CTNNBL1: variants seen among roughly 807,000 people sequenced by gnomAD.
CTNNBL1 encodes beta-catenin-like protein 1.
Under a neutral mutation model 72.7 loss-of-function variants are expected in CTNNBL1, and 31 were observed. The ratio of observed to expected loss-of-function variants is 0.43; its 90% CI spans 0.32 to 0.58. CTNNBL1 has a LOEUF of 0.58. Among genes scored for constraint, CTNNBL1 ranks in the 20% least tolerant of loss-of-function variants. CTNNBL1 has a pLI of 0.08. For synonymous variants in CTNNBL1, 240 were observed against 267.3 expected, an observed-to-expected ratio of 0.90 and a Z score of 1.00; for missense variants, 534 against 725.1, an observed-to-expected ratio of 0.74 and a Z score of 3.03.
At chr20:37,721,381 T>C (rs1450217452) in intron 1 of CTNNBL1, among the ~76,000 whole-genome samples, 1 of 152,224 alleles carries the variant, frequency 6.6e-6, no homozygotes, top group Non-Finnish European at 1.5e-5. Context: ...AATAACTCTG[T>C]GAGAGATCTT....
At chr20:37,865,085 C>T (rs1233387753) in intron 15 of CTNNBL1, among the ~76,000 whole-genome samples, 1 of 152,160 alleles carries the variant, frequency 6.6e-6, no homozygotes, top group East Asian at 1.9e-4. Flanking sequence ...CTGATTGGCC[C>T]ATATGCTCCT....
intron 7 of CTNNBL1, among the ~76,000 whole-genome samples, chr20:37,771,975 T>G (rs2073528799): frequency 6.6e-6 from 1 of 152,028 alleles, no homozygotes; most frequent in Non-Finnish European, 1.5e-5. Flanking sequence ...ATCAACACCT[T>G]CATCTTTTTC....
intron 11 of CTNNBL1, among the ~76,000 whole-genome samples, chr20:37,813,107 G>T (rs1467024988): frequency 6.6e-6 from 1 of 152,228 alleles, no homozygotes; most frequent in Non-Finnish European, 1.5e-5. Context: ...AAATGTTGGG[G>T]ACGTGTTCTC....
In CTNNBL1 at chr20:37,700,176, C is replaced by T. The variant is rs1162393999; in HGVS notation, c.30+6024C>T. Among the ~76,000 whole-genome samples, 4 of 152,126 alleles carry T rather than the reference C, an allele frequency of 2.6e-5. No individual in the cohort carries two copies. In the East Asian group the frequency reaches 7.7e-4, roughly 29 times the overall value. ...CTTATCTGGGTGACTCAGGACAAGT[C>T]ACTTTCCCTTTCTATACATCATTTT... On this transcript the variant is annotated intron_variant, in intron 1 of 15. Coordinates refer to ENST00000361383, the MANE Select transcript of CTNNBL1 (RefSeq NM_030877.5).
chr20:37,705,497 T>G (rs780454648), intron 1 of CTNNBL1, among the ~76,000 whole-genome samples: 1 of 152,154 alleles, frequency 6.6e-6, no homozygotes, highest in Non-Finnish European at 1.5e-5. Context: ...CAAAATTGCC[T>G]CAGTATTCCC....
chr20:37,772,827 T>C (rs1277801218), intron 7 of CTNNBL1, among the ~76,000 whole-genome samples: 1 of 152,220 alleles, frequency 6.6e-6, no homozygotes, highest in Non-Finnish European at 1.5e-5. Context: ...GGTGACAGCA[T>C]TCTAGTGTTG....
intron 13 of CTNNBL1, among the ~76,000 whole-genome samples, chr20:37,856,032 T>C (rs2072437363): frequency 6.6e-6 from 1 of 151,952 alleles, no homozygotes; most frequent in Admixed American, 6.6e-5. Context: ...AGGTCAGAGG[T>C]TGGAGACCAG....
intron 1 of CTNNBL1, among the ~76,000 whole-genome samples, chr20:37,707,322 T>A (rs1432296864): frequency 3.3e-5 from 5 of 152,232 alleles, no homozygotes; most frequent in Non-Finnish European, 1.5e-5. Context: ...TTGTCAACAT[T>A]GAAAATCTGT....
At chr20:37,713,709 C>T (rs1348421433) in intron 1 of CTNNBL1, among the ~76,000 whole-genome samples, 1 of 152,068 alleles carries the variant, frequency 6.6e-6, no homozygotes, top group Non-Finnish European at 1.5e-5. Flanking sequence ...ACAGGGATGG[C>T]GTGTTCCTGA....
chr20:37,696,435 CTTTTTTTTTT>C (rs57358123), intron 1 of CTNNBL1, among the ~76,000 whole-genome samples: 9 of 89,610 alleles, frequency 1.0e-4, no homozygotes, highest in African/African-American at 3.2e-4. Flanking sequence ...TGTACAATAT[CTTTTTTTTTT>C]TTTTTTTTTT....
At chr20:37,825,683 A>G (rs1029127211) in intron 11 of CTNNBL1, among the ~76,000 whole-genome samples, 6 of 152,222 alleles carry the variant, frequency 3.9e-5, no homozygotes, top group African/African-American at 9.6e-5. Flanking sequence ...CTCAAAAAAA[A>G]AAGTAGTAAG....
At chr20:37,803,100 G>A in intron 11 of CTNNBL1, 52 bp downstream of exon 11, 1 of 1,525,374 alleles carries the variant, frequency 6.6e-7, no homozygotes, top group Non-Finnish European at 9.0e-7. Flanking sequence ...GGAGAAATAG[G>A]GAAATGTGAA....
intron 11 of CTNNBL1, among the ~76,000 whole-genome samples, chr20:37,837,250 A>C (rs1178586900): frequency 6.6e-6 from 1 of 151,986 alleles, no homozygotes; most frequent in Non-Finnish European, 1.5e-5. Context: ...CCCTGGGTTC[A>C]TGGGGTTTTT....
At chr20:37,840,237 T>G (rs758549016) in intron 12 of CTNNBL1, 38 bp downstream of exon 12, 3 of 1,441,006 alleles carry the variant, frequency 2.1e-6, no homozygotes, top group Non-Finnish European at 2.9e-6. Flanking sequence ...GGACCGGGAC[T>G]GATAGAAAGG....
chr20:37,735,876 G>A (rs1445740476), intron 2 of CTNNBL1, among the ~76,000 whole-genome samples: 1 of 152,214 alleles, frequency 6.6e-6, no homozygotes, highest in Non-Finnish European at 1.5e-5. Flanking sequence ...GCTTTTAGGT[G>A]TGAGTTATGG....
chr20:37,746,648 G>A (rs866079359), intron 4 of CTNNBL1, 41 bp downstream of exon 4: 3 of 1,612,580 alleles, frequency 1.9e-6, no homozygotes, highest in Middle Eastern at 1.7e-4. Flanking sequence ...AGCTGACATG[G>A]TGGGGAAGTG....
chr20:37,762,833 T>C (rs1311323077), intron 5 of CTNNBL1, among the ~76,000 whole-genome samples: 1 of 152,198 alleles, frequency 6.6e-6, no homozygotes, highest in Non-Finnish European at 1.5e-5. Context: ...AAACATAAAG[T>C]TTCACAGTTT....
chr20:37,816,537 A>G (rs1038810193), intron 11 of CTNNBL1, among the ~76,000 whole-genome samples: 3 of 152,216 alleles, frequency 2.0e-5, no homozygotes, highest in African/African-American at 7.2e-5. Flanking sequence ...ACAGCATGTG[A>G]GAACTGGATA....
At chr20:37,847,226 C>G (rs2072354301) in intron 13 of CTNNBL1, among the ~76,000 whole-genome samples, 1 of 152,198 alleles carries the variant, frequency 6.6e-6, no homozygotes, top group Admixed American at 6.5e-5. Context: ...TTCGAAGAAT[C>G]AACAGGACTG....
Sources: allele counts gnomAD v4.1 joint callset (sites outside exome capture counted in the v4.1 genomes callset), GRCh38; gene constraint gnomAD v4.1.1; transcripts MANE v1.5; gene names NCBI Gene and HGNC (gene_info 2026-07-23, HGNC 2026-07-21).